The following UGT1A3 variants were observed in gnomAD, a reference collection of about 807,000 sequenced individuals.
UGT1A3 encodes the protein UDP-glucuronosyltransferase 1A3.
In UGT1A3, 31 loss-of-function variants were observed where a neutral mutation model predicts 41.0. The ratio of observed to expected loss-of-function variants is 0.76; its 90% CI spans 0.57 to 1.02. The LOEUF (loss-of-function observed/expected upper bound fraction) is 1.02, where lower values mean the gene tolerates loss of function less well. Ranked by LOEUF, UGT1A3 falls within the 50% of genes least tolerant of loss-of-function variation. The probability of loss-of-function intolerance (pLI) is 0.00; values close to 1 mark genes in which losing one functional copy is unlikely to be tolerated. For synonymous variants in UGT1A3, 262 were observed against 257.6 expected, an observed-to-expected ratio of 1.02 and a Z score of -0.17; for missense variants, 737 against 671.0, an observed-to-expected ratio of 1.10 and a Z score of -1.09.
rs45449995 is a variant in UGT1A3, at chr2:233,729,934, A to G, written c.808A>G (p.Met270Val). Residue 270 changes from methionine (M) to valine (V), a missense_variant, in exon 1 of 5, where the codon ATG becomes GTG. Physicochemically the swap from Met to Val is conservative, Grantham distance 21 (BLOSUM62 1). Transcript: ENST00000482026. ...TGTGATGGACTACCCCAGGCCAATC[A>G]TGCCCAACATGGTCTTCATTGGGGG... ...DFVMDYPRPI[M>V]PNMVFIGGIN... The G allele has an allele frequency of 0.029, 47,426 of 1,614,076 alleles. 771 individuals carry two copies. The highest frequency in any genetic ancestry group is 0.049 in the African/African-American group (3,673 of 75,050).
intron 1 of UGT1A3, chr2:233,747,317 C>A: frequency 1.9e-6 from 3 of 1,603,212 alleles, no homozygotes; most frequent in Non-Finnish European, 2.6e-6. Flanking sequence ...CTGGTGGTAC[C>A]CATTGATGGC....
At chr2:233,764,552 G>A (rs1387908555) in intron 1 of UGT1A3, among the ~76,000 whole-genome samples, 1 of 152,132 alleles carries the variant, frequency 6.6e-6, no homozygotes, top group East Asian at 1.9e-4. Flanking sequence ...CGTGTGGGAG[G>A]GTGTGCCTGG....
Position 233,755,090 on chromosome 2 carries a change from C to G in UGT1A3, c.868-11944C>G, listed in dbSNP as rs778198655. On this transcript the variant is annotated intron_variant, in intron 1 of 4. Transcript: ENST00000482026. ...CATAGCGGTCATAGATATCGCGTTT[C>G]TACGCGTCCGACAACACCTCGTAGG... 4 of 1,336,104 alleles carry G rather than the reference C, an allele frequency of 3.0e-6. No homozygotes were observed. The South Asian group carries it at 4.6e-5, about 15-fold the overall frequency. The allele number at this position is 1,336,104 out of a possible 1,614,324, so 82.8% of individuals were successfully genotyped here. A position where few individuals can be genotyped will look rare whatever the true frequency, so the allele number is the denominator to read the frequency against.
chr2:233,730,151 G>T (rs947267148), intron 1 of UGT1A3, among the ~76,000 whole-genome samples, 158 bp downstream of exon 1: 3 of 152,154 alleles, frequency 2.0e-5, no homozygotes, highest in Admixed American at 2.0e-4. Flanking sequence ...AACTGTTAAG[G>T]GGTCTCTAGT....
At chr2:233,744,517 G>A (rs1213288029) in intron 1 of UGT1A3, among the ~76,000 whole-genome samples, 1 of 151,928 alleles carries the variant, frequency 6.6e-6, no homozygotes, top group African/African-American at 2.4e-5. Context: ...TGACACAATA[G>A]CAAATCTTAT....
At chr2:233,747,739 T>G in intron 1 of UGT1A3, 1 of 1,613,426 alleles carries the variant, frequency 6.2e-7, no homozygotes, top group African/African-American at 1.3e-5. Context: ...TTGAGGAACA[T>G]TCCATGTGAT....
At chr2:233,764,883 A>C (rs1698677013) in intron 1 of UGT1A3, among the ~76,000 whole-genome samples, 1 of 152,176 alleles carries the variant, frequency 6.6e-6, no homozygotes, top group Non-Finnish European at 1.5e-5. Context: ...GGGAAAAGGC[A>C]AAGACAAAGC....
chr2:233,754,396 G>C (rs1026750148), intron 1 of UGT1A3: 23 of 330,472 alleles, frequency 7.0e-5, no homozygotes, highest in African/African-American at 4.7e-4. Context: ...GGTCCTATCC[G>C]TGCAGTCCCA....
rs192958236 is a variant in UGT1A3 at position 233,736,101 on chromosome 2, G to A, written c.867+6108G>A. On this transcript the variant is annotated intron_variant, in intron 1 of 4. Transcript: ENST00000482026. ...GTTCTCCTGGATAATATCCTGAAGA[G>A]TGTTTTCCAACTTGTTTCCATTCTC... Among the ~76,000 whole-genome samples, 338 of 152,320 alleles carry A rather than the reference G, an allele frequency of 2.2e-3. 1 individual carries two copies. The highest frequency in any genetic ancestry group is 4.2e-3 in the Non-Finnish European group (288 of 68,040).
chr2:233,743,650 G>A (rs556129739), intron 1 of UGT1A3: 20 of 1,367,276 alleles, frequency 1.5e-5, no homozygotes, highest in Admixed American at 1.9e-5. Context: ...AGCTGAAGAC[G>A]TACTCGAAGG....
At chr2:233,765,693 AAATAATAATAATAATAATT>A (rs1698909746) in intron 1 of UGT1A3, among the ~76,000 whole-genome samples, 1 of 147,312 alleles carries the variant, frequency 6.8e-6, no homozygotes, top group East Asian at 2.0e-4. Flanking sequence ...AACTTCAAGT[AAATAATAATAATAATAATT>A]AATAATAATA....
At position 233,769,843 on chromosome 2, in the gene UGT1A3, G is replaced by T; in HGVS notation, c.1307+1404G>T. On this transcript the variant is annotated intron_variant, in intron 4 of 4. Transcript: ENST00000482026. The surrounding 1 kb of genome is among the most constrained non-coding windows in gnomAD (Gnocchi z 4.4). ...GCACTCCAGCAACCTGGGCAACAGA[G>T]TGAGACCCTGTCTCAAAAAAAAAAA... 9 of 506,258 alleles carry T rather than the reference G, an allele frequency of 1.8e-5. No individual in the cohort carries two copies. The highest frequency in any genetic ancestry group is 4.7e-5 in the South Asian group (1 of 21,142). The allele number at this position is 506,258 out of a possible 1,614,324, so 31.4% of individuals were successfully genotyped here.
At chr2:233,762,311 G>T (rs1026120967) in intron 1 of UGT1A3, among the ~76,000 whole-genome samples, 9 of 152,158 alleles carry the variant, frequency 5.9e-5, no homozygotes, top group African/African-American at 2.2e-4. Context: ...CTAGTTAATG[G>T]GTCGAGAGTA....
intron 2 of UGT1A3, 73 bp from the exon 3 acceptor site, chr2:233,767,776 G>A: frequency 1.2e-6 from 2 of 1,612,490 alleles, no homozygotes; most frequent in Admixed American, 1.7e-5. Context: ...CTGTTTTCTA[G>A]TTAGTATAGC....
Position 233,769,847 on chromosome 2 carries a change from G to C in UGT1A3, c.1307+1408G>C. On this transcript the variant is annotated intron_variant, in intron 4 of 4. Transcript: ENST00000482026. The surrounding 1 kb of genome is among the most constrained non-coding windows in gnomAD (Gnocchi z 4.4). Reference sequence around the variant, plus strand: ...TCCAGCAACCTGGGCAACAGAGTGAGACCCTGTCTCAAAAAAAAAAAAAAA... The same window carrying C: ...TCCAGCAACCTGGGCAACAGAGTGACACCCTGTCTCAAAAAAAAAAAAAAA... 1 of 475,506 alleles carries C rather than the reference G, an allele frequency of 2.1e-6. No homozygotes were observed. The highest frequency in any genetic ancestry group is 3.3e-6 in the Non-Finnish European group (1 of 298,626). The allele number at this position is 475,506 out of a possible 1,614,324, so 29.5% of individuals were successfully genotyped here.
At chr2:233,747,624 A>C in intron 1 of UGT1A3, 3 of 1,577,546 alleles carry the variant, frequency 1.9e-6, no homozygotes, top group Non-Finnish European at 2.6e-6. Flanking sequence ...TGAGGCCCTG[A>C]TCAGGCACCT....
In UGT1A3 at chr2:233,767,938, T is replaced by G. The variant is rs779261748; in HGVS notation, c.1087+2T>G. The G allele has an allele frequency of 6.2e-7, 1 of 1,614,194 alleles. No individual in the cohort carries two copies. Among genetic ancestry groups the G allele is most frequent in the South Asian group, 1.1e-5 (1 of 91,090 alleles). ...GGCTACCCCAAAACGATCTGCTTGG[T>G]ATGTTGGGCGGATTGGATGTATAGG... On this transcript the variant is annotated splice_donor_variant, in intron 3 of 4. Transcript: ENST00000482026. LOFTEE classifies it high-confidence loss of function.
intron 1 of UGT1A3, among the ~76,000 whole-genome samples, chr2:233,756,524 T>C (rs1159004453): frequency 6.6e-6 from 1 of 152,188 alleles, no homozygotes; most frequent in Non-Finnish European, 1.5e-5. Flanking sequence ...GTGCATGTTA[T>C]TCACTTTTCT....
chr2:233,767,319 T>G (rs928023163), intron 2 of UGT1A3, among the ~76,000 whole-genome samples, 154 bp downstream of exon 2: 1 of 152,210 alleles, frequency 6.6e-6, no homozygotes, highest in African/African-American at 2.4e-5. Flanking sequence ...TTTTTGTTGT[T>G]GTGGTTGTTG....
Sources: gnomAD v4.1 joint callset for allele counts (sites outside exome capture counted in the v4.1 genomes callset) on GRCh38, gnomAD v4.1.1 for gene constraint, Gnocchi (gnomAD v3.1) non-coding constraint, MANE v1.5 for transcripts, NCBI Gene and HGNC (gene_info 2026-07-23, HGNC 2026-07-21) for gene names.